Variants in RNF144B observed in about 807,000 individuals in gnomAD.
RNF144B encodes the protein ring finger protein 144B.
In RNF144B, 25 loss-of-function variants were observed where a neutral mutation model predicts 40.2. The ratio of observed to expected loss-of-function variants is 0.62; its 90% CI spans 0.45 to 0.87. The LOEUF (loss-of-function observed/expected upper bound fraction) is 0.87. RNF144B is among the 40% of genes least tolerant of loss of function. The probability of loss-of-function intolerance (pLI) is 0.00; values close to 1 mark genes in which losing one functional copy is unlikely to be tolerated. For missense variants in RNF144B, 365 were observed against 373.7 expected, an observed-to-expected ratio of 0.98 and a Z score of 0.19; for synonymous variants, 145 against 136.3, an observed-to-expected ratio of 1.06 and a Z score of -0.44.
chr6:18,413,508 G>A (rs551320886), intron 2 of RNF144B, among the ~76,000 whole-genome samples: 1 of 152,260 alleles, frequency 6.6e-6, no homozygotes, highest in East Asian at 1.9e-4. Context: ...TGTGATTTCG[G>A]GTAAGTTATT....
rs1294524492 is a variant in RNF144B, at chr6:18,467,050, A to G, written c.*1983A>G. 1 of 152,686 alleles carries G rather than the reference A, an allele frequency of 6.5e-6. No individual in the cohort carries two copies. Among genetic ancestry groups the G allele is most frequent in the African/African-American group, 2.4e-5 (1 of 41,470 alleles). The allele number at this position is 152,686 out of a possible 1,614,324, so 9.5% of individuals were successfully genotyped here. ...CATGTTAGTATAATTATAGATTTAC[A>G]TATATTTGAATAGTTAATTTGCTTT... is the stretch of plus-strand genomic sequence containing the variant. On this transcript the variant is annotated 3_prime_UTR_variant, in exon 8 of 8. Transcript: ENST00000259939.
chr6:18,438,020 A>ATGAATC (rs1562052894), intron 3 of RNF144B, among the ~76,000 whole-genome samples: 18 of 152,172 alleles, frequency 1.2e-4, no homozygotes, highest in Non-Finnish European at 2.1e-4. Context: ...GGTGGTGGTT[A>ATGAATC]AAAAAAGATT....
rs1306576024 is a variant in RNF144B, at chr6:18,418,750, T to A, written c.166-8831T>A. Among the ~76,000 whole-genome samples, 1 of 151,984 alleles carries A rather than the reference T, an allele frequency of 6.6e-6. No individual in the cohort carries two copies. The highest frequency in any genetic ancestry group is 1.5e-5 in the Non-Finnish European group (1 of 68,002). ...GTGAATTATATCTCAGTTATAGATA[T>A]CTGAATTATATCTCAATAAAACATG... On this transcript the variant is annotated intron_variant, in intron 2 of 7. Coordinates refer to ENST00000259939, the MANE Select transcript of RNF144B (RefSeq NM_182757.4). The surrounding 1 kb of genome is among the most constrained non-coding windows in gnomAD (Gnocchi z 5.2).
Position 18,447,145 on chromosome 6 carries a change from A to G in RNF144B, c.331+7401A>G, listed in dbSNP as rs1234616454. On this transcript the variant is annotated intron_variant, in intron 4 of 7. Coordinates refer to ENST00000259939, the MANE Select transcript of RNF144B (RefSeq NM_182757.4). This position sits in a 1 kb window ranked among gnomAD's most constrained non-coding sequence, Gnocchi z 5.6. ...AATAAGGGTAAGGGGAAAGAGATAG[A>G]TGGGGGAGGCTATTTTGGATAGGAT... Among the ~76,000 whole-genome samples the G allele has an allele frequency of 6.6e-6, 1 of 152,026 alleles. No homozygotes were observed.
rs1365837667 is a variant in RNF144B at position 18,458,522 on chromosome 6, T to G, written c.537-1085T>G. Among the ~76,000 whole-genome samples the G allele has an allele frequency of 6.6e-6, 1 of 152,170 alleles. No individual in the cohort carries two copies. Among genetic ancestry groups the G allele is most frequent in the Non-Finnish European group, 1.5e-5 (1 of 68,028 alleles). On this transcript the variant is annotated intron_variant, in intron 5 of 7. Transcript: ENST00000259939. This position sits in a 1 kb window ranked among gnomAD's most constrained non-coding sequence, Gnocchi z 4.8. ...CAGGCATGTGCCCTCTTAGCCGGAT[T>G]CAAACCACTGTTGCCTACATTTTCG...
chr6:18,393,690 T>TTTA (rs1027334306), intron 1 of RNF144B, among the ~76,000 whole-genome samples: 1 of 152,200 alleles, frequency 6.6e-6, no homozygotes, highest in African/African-American at 2.4e-5. Context: ...GGATGGGACC[T>TTTA]TTAGATTGCT....
In RNF144B at chr6:18,414,061, C is replaced by G. The variant is rs540697636; in HGVS notation, c.166-13520C>G. Among the ~76,000 whole-genome samples the G allele has an allele frequency of 7.2e-5, 11 of 152,114 alleles. No homozygotes were observed. The highest frequency in any genetic ancestry group is 2.7e-4 in the African/African-American group (11 of 41,488). ...AATTCCAGGTTTTGCAGGATAAATC[C>G]TCGGGGGAATATTGTGAGGTGAGGA... On this transcript the variant is annotated intron_variant, in intron 2 of 7. Transcript: ENST00000259939. The surrounding 1 kb of genome is among the most constrained non-coding windows in gnomAD (Gnocchi z 4.9).
At position 18,457,331 on chromosome 6, in the gene RNF144B, C is replaced by G; in HGVS notation, c.508C>G (p.Gln170Glu). 6.2e-7 allele frequency: 1 copy of G among 1,614,054 alleles called. No homozygotes were observed. The highest frequency in any genetic ancestry group is 8.5e-7 in the Non-Finnish European group (1 of 1,179,920). ...WHAEVSCRDS[Q>E]PIVLPTEHRA... ...TGCAGAGGTCTCCTGTAGAGACAGT[C>G]AGCCTATTGTCCTGCCAACAGAGCA... The change falls in exon 5 of 8, where the codon CAG becomes GAG. Residue 170 changes from glutamine to glutamate, a missense_variant. Physicochemically the swap from Gln to Glu is conservative, Grantham distance 29. Coordinates refer to ENST00000259939, the MANE Select transcript of RNF144B (RefSeq NM_182757.4). The surrounding 1 kb of genome is among the most constrained non-coding windows in gnomAD (Gnocchi z 5.1).
intron 6 of RNF144B, among the ~76,000 whole-genome samples, chr6:18,462,869 T>A (rs2113541812): frequency 6.6e-6 from 1 of 152,236 alleles, no homozygotes; most frequent in South Asian, 2.1e-4. Flanking sequence ...TCCTTGTTTC[T>A]CTCCAGTTAC....
chr6:18,465,142 C>G lies in RNF144B; in HGVS notation c.*75C>G. 1 of 1,488,600 alleles carries G rather than the reference C, an allele frequency of 6.7e-7. No individual in the cohort carries two copies. The highest frequency in any genetic ancestry group is 9.2e-7 in the Non-Finnish European group (1 of 1,088,312). 92.2% of individuals were successfully genotyped at this position (1,488,600 alleles called of 1,614,324 possible). On this transcript the variant is annotated 3_prime_UTR_variant, in exon 8 of 8. Coordinates refer to ENST00000259939, the MANE Select transcript of RNF144B (RefSeq NM_182757.4). ...CAGTGATAAAGCCCCATTTAGTGAC[C>G]TTGCCTCCTTCTCCTTGCCAACTTT...
chr6:18,427,713 T>G, intron 3 of RNF144B, 28 bp downstream of exon 3: 1 of 1,333,340 alleles, frequency 7.5e-7, no homozygotes, highest in Non-Finnish European at 1.1e-6. Context: ...CATCTTCCCC[T>G]CTTTCCTATT....
At position 18,459,109 on chromosome 6, in the gene RNF144B, A is replaced by G. The variant is rs1401368281; in HGVS notation, c.537-498A>G. Reference sequence around the variant, plus strand: ...TCGCTCACTCCAATTCCTGTTGCTTATTTTCTGTGCCCCTTGGGGCTGTGA... The same window carrying G: ...TCGCTCACTCCAATTCCTGTTGCTTGTTTTCTGTGCCCCTTGGGGCTGTGA... On this transcript the variant is annotated intron_variant, in intron 5 of 7. Transcript: ENST00000259939. This position sits in a 1 kb window ranked among gnomAD's most constrained non-coding sequence, Gnocchi z 4.2. 2.0e-5 allele frequency among the ~76,000 whole-genome samples: 3 copies of G among 150,538 alleles called. No individual in the cohort carries two copies. The highest frequency in any genetic ancestry group is 4.4e-5 in the Non-Finnish European group (3 of 67,572).
At chr6:18,430,678 G>T (rs898031946) in intron 3 of RNF144B, among the ~76,000 whole-genome samples, 2 of 150,666 alleles carry the variant, frequency 1.3e-5, no homozygotes, top group African/African-American at 4.9e-5. Flanking sequence ...TTTTTAAAGA[G>T]AGGGTCTCTC....
At chr6:18,462,562 C>T (rs1345106846) in intron 6 of RNF144B, among the ~76,000 whole-genome samples, 1 of 152,178 alleles carries the variant, frequency 6.6e-6, no homozygotes, top group East Asian at 1.9e-4. Flanking sequence ...CACCGATGCC[C>T]AGTTGAGTCC....
At position 18,399,709 on chromosome 6, in the gene RNF144B, C is replaced by T; in HGVS notation, c.165+10C>T. 6.2e-7 allele frequency: 1 copy of T among 1,601,628 alleles called. No individual in the cohort carries two copies. Among genetic ancestry groups the T allele is most frequent in the Non-Finnish European group, 8.5e-7 (1 of 1,169,988 alleles). On this transcript the variant is annotated intron_variant, in intron 2 of 7. Coordinates refer to ENST00000259939, the MANE Select transcript of RNF144B (RefSeq NM_182757.4). Reference sequence around the variant, plus strand: ...CATCTTTTGCACAGCTGTGAGTTTTCCTTGATGCTTTCACTATGAGAAAAT... The same window carrying T: ...CATCTTTTGCACAGCTGTGAGTTTTTCTTGATGCTTTCACTATGAGAAAAT...
intron 4 of RNF144B, among the ~76,000 whole-genome samples, chr6:18,449,853 A>G (rs1342487366): frequency 6.6e-6 from 1 of 152,190 alleles, no homozygotes; most frequent in Non-Finnish European, 1.5e-5. Flanking sequence ...ATGTTGTACA[A>G]TAATCTCTAG....
At chr6:18,392,217 A>G (rs1329479372) in intron 1 of RNF144B, among the ~76,000 whole-genome samples, 1 of 152,132 alleles carries the variant, frequency 6.6e-6, no homozygotes, top group African/African-American at 2.4e-5. Context: ...CAAAAAAAAA[A>G]CGATGTGCCA....
chr6:18,413,810 AT>A (rs1296471786), intron 2 of RNF144B, among the ~76,000 whole-genome samples: 1 of 152,232 alleles, frequency 6.6e-6, no homozygotes, highest in East Asian at 1.9e-4. Context: ...ATGGAAAAAA[AT>A]ATTATAGCTT....
Position 18,458,537 on chromosome 6 carries a change from C to T in RNF144B, c.537-1070C>T, listed in dbSNP as rs552241684. 5.3e-5 allele frequency among the ~76,000 whole-genome samples: 8 copies of T among 152,254 alleles called. No individual in the cohort carries two copies. Among genetic ancestry groups the T allele is most frequent in the African/African-American group, 1.9e-4 (8 of 41,554 alleles). ...TTAGCCGGATTCAAACCACTGTTGC[C>T]TACATTTTCGTGGCCATAGCAGGAA... On this transcript the variant is annotated intron_variant, in intron 5 of 7. Coordinates refer to ENST00000259939, the MANE Select transcript of RNF144B (RefSeq NM_182757.4). This position sits in a 1 kb window ranked among gnomAD's most constrained non-coding sequence, Gnocchi z 4.8.
Sources: allele counts gnomAD v4.1 joint callset (sites outside exome capture counted in the v4.1 genomes callset), GRCh38; gene constraint gnomAD v4.1.1; non-coding constraint Gnocchi (gnomAD v3.1); transcripts MANE v1.5; gene names NCBI Gene and HGNC (gene_info 2026-07-23, HGNC 2026-07-21).